Variants in POU1F1 observed in about 807,000 individuals in gnomAD.
POU1F1 encodes POU class 1 homeobox 1, also known as pituitary-specific positive transcription factor 1.
In POU1F1, 23 loss-of-function variants were observed where a neutral mutation model predicts 32.3. The observed-to-expected ratio is 0.71, with a 90% CI of 0.51 to 1.01. The LOEUF (loss-of-function observed/expected upper bound fraction) is 1.01, where lower values mean the gene tolerates loss of function less well. Ranked by LOEUF, POU1F1 falls within the 50% of genes least tolerant of loss-of-function variation. The pLI, the probability that POU1F1 is intolerant of heterozygous loss-of-function variation, is 0.00. For missense variants in POU1F1, 323 were observed against 341.6 expected, an observed-to-expected ratio of 0.95 and a Z score of 0.43; for synonymous variants, 120 against 115.6, an observed-to-expected ratio of 1.04 and a Z score of -0.25.
At chr3:87,262,339 AT>A in intron 3 of POU1F1, 104 bp from the exon 4 acceptor site, 2 of 1,250,504 alleles carry the variant, frequency 1.6e-6, no homozygotes, top group Non-Finnish European at 2.3e-6. Context: ...ATTACACACT[AT>A]TTTTTAACTA....
At chr3:87,261,369 A>G in intron 4 of POU1F1, 36 bp from the exon 5 acceptor site, 1 of 1,466,050 alleles carries the variant, frequency 6.8e-7, no homozygotes, top group Non-Finnish European at 9.4e-7. Context: ...TACAAACACA[A>G]AGTAGACTTT....
At chr3:87,262,348 C>T (rs1706529872) in intron 3 of POU1F1, 113 bp from the exon 4 acceptor site, 1 of 1,180,044 alleles carries the variant, frequency 8.5e-7, no homozygotes. Context: ...TATTTTTTAA[C>T]TATATATTCT....
At chr3:87,264,849 G>C (rs1706587260) in intron 2 of POU1F1, among the ~76,000 whole-genome samples, 1 of 152,046 alleles carries the variant, frequency 6.6e-6, no homozygotes, top group African/African-American at 2.4e-5. Flanking sequence ...CTATTCCTGG[G>C]AATCTGAGGT....
Position 87,268,084 on chromosome 3 carries a change from C to CCTTT in POU1F1, c.215-3573_215-3572insAAAG, listed in dbSNP as rs747971339. Among the ~76,000 whole-genome samples the CCTTT allele has an allele frequency of 3.4e-5, 4 of 116,466 alleles. 1 individual carries two copies. The highest frequency in any genetic ancestry group is 1.7e-5 in the Non-Finnish European group (1 of 57,458). 76.4% of individuals were successfully genotyped at this position (116,466 alleles called of 152,430 possible). A position where few individuals can be genotyped will look rare whatever the true frequency, so the allele number is the denominator to read the frequency against. ...ACATTTTTTATTTTTTTCCCTTTCCCTTTTTTTTTTTTTTTTTTTTTGACA... is the reference window on the plus strand; with the variant it reads ...ACATTTTTTATTTTTTTCCCTTTCCCCTTTTTTTTTTTTTTTTTTTTTTTTGACA... On this transcript the variant is annotated intron_variant, in intron 2 of 5. Transcript: ENST00000350375.
In POU1F1 at chr3:87,264,271, C is replaced by T. The variant is rs755739807; in HGVS notation, c.439+17G>A. On this transcript the variant is annotated intron_variant, in intron 3 of 5. Transcript: ENST00000350375. Reference sequence around the variant, plus strand: ...CAAACCAAGTTCTTTTTCCTGTTGCCTTTAACAAGCACATACCTAATTTAA... The same window carrying T: ...CAAACCAAGTTCTTTTTCCTGTTGCTTTTAACAAGCACATACCTAATTTAA... The T allele has an allele frequency of 1.9e-6, 3 of 1,590,708 alleles. No individual in the cohort carries two copies. In the South Asian group the frequency reaches 3.3e-5, roughly 18 times the overall value.
At chr3:87,272,855 G>T (rs942539630) in intron 2 of POU1F1, among the ~76,000 whole-genome samples, 2 of 152,118 alleles carry the variant, frequency 1.3e-5, no homozygotes, top group Admixed American at 6.6e-5. Flanking sequence ...TAATGATGAG[G>T]GGGGGTGTTC....
intron 4 of POU1F1, 92 bp downstream of exon 4, chr3:87,261,979 T>C (rs1559614611): frequency 6.6e-7 from 1 of 1,507,670 alleles, no homozygotes; most frequent in Non-Finnish European, 9.2e-7. Context: ...AAAAAACCCC[T>C]CAAACCTCCT....
At chr3:87,273,456 C>G (rs1019517553) in intron 1 of POU1F1, 38 bp from the exon 2 acceptor site, 1 of 1,610,752 alleles carries the variant, frequency 6.2e-7, no homozygotes, top group Non-Finnish European at 8.5e-7. Context: ...AATGTGTGCA[C>G]AAACATTTAG....
At chr3:87,266,339 ATAATTATAAATGTG>A (rs1168434102) in intron 2 of POU1F1, among the ~76,000 whole-genome samples, 1 of 147,050 alleles carries the variant, frequency 6.8e-6, no homozygotes, top group Non-Finnish European at 1.5e-5. Flanking sequence ...TTATAAATAT[ATAATTATAAATGTG>A]TAATTATAAA....
chr3:87,260,862 ATTATTTTTTTTTTAT>A (rs1241010073), intron 5 of POU1F1, among the ~76,000 whole-genome samples: 3 of 142,264 alleles, frequency 2.1e-5, no homozygotes, highest in African/African-American at 7.8e-5. Context: ...TTACATTATT[ATTATTTTTTTTTTAT>A]TTATTTATTT....
intron 2 of POU1F1, among the ~76,000 whole-genome samples, chr3:87,267,314 TAGAA>T (rs1344634213): frequency 6.6e-6 from 1 of 152,126 alleles, no homozygotes; most frequent in Non-Finnish European, 1.5e-5. Flanking sequence ...GAAATTTAAG[TAGAA>T]AGAAAGTAAA....
intron 2 of POU1F1, among the ~76,000 whole-genome samples, chr3:87,267,226 C>A (rs1014774996): frequency 6.6e-6 from 1 of 152,086 alleles, no homozygotes; most frequent in African/African-American, 2.4e-5. Flanking sequence ...GTTAATTTCA[C>A]ATTTGTTATC....
At chr3:87,260,865 ATTTTTTTT>A (rs199555032) in intron 5 of POU1F1, among the ~76,000 whole-genome samples, 45 of 45,392 alleles carry the variant, frequency 9.9e-4, no homozygotes, top group East Asian at 7.5e-3. Context: ...CATTATTATT[ATTTTTTTT>A]TTATTTATTT....
At chr3:87,273,524 GACA>G in intron 1 of POU1F1, 106 bp from the exon 2 acceptor site, 1 of 1,537,188 alleles carries the variant, frequency 6.5e-7, no homozygotes, top group Non-Finnish European at 8.8e-7. Context: ...AAGGATTCAA[GACA>G]CATTCGTTTT....
At chr3:87,265,857 G>C (rs1479290634) in intron 2 of POU1F1, among the ~76,000 whole-genome samples, 1 of 151,686 alleles carries the variant, frequency 6.6e-6, no homozygotes, top group Non-Finnish European at 1.5e-5. Flanking sequence ...ATCCTTGGGG[G>C]TCCTGGAACC....
chr3:87,268,224 G>A (rs890750679), intron 2 of POU1F1, among the ~76,000 whole-genome samples: 4 of 150,172 alleles, frequency 2.7e-5, no homozygotes, highest in Non-Finnish European at 4.4e-5. Flanking sequence ...GACTACAGGT[G>A]CCTGCCACCA....
chr3:87,268,366 T>G (rs1423408236), intron 2 of POU1F1, among the ~76,000 whole-genome samples: 1 of 152,056 alleles, frequency 6.6e-6, no homozygotes, highest in African/African-American at 2.4e-5. Flanking sequence ...CTCGGCCTCC[T>G]AAAGTGCTGG....
intron 3 of POU1F1, 143 bp downstream of exon 3, chr3:87,264,145 A>C (rs1706567469): frequency 4.4e-6 from 3 of 679,184 alleles, no homozygotes; most frequent in Non-Finnish European, 5.0e-6. Context: ...TTTTTGGAGG[A>C]TTTCCATAAC....
chr3:87,268,084 C>CCTTTTTTTTTTTT (rs747971339), intron 2 of POU1F1, among the ~76,000 whole-genome samples: 1 of 116,468 alleles, frequency 8.6e-6, no homozygotes, highest in Non-Finnish European at 1.7e-5. Flanking sequence ...TTCCCTTTCC[C>CCTTTTTTTTTTTT]TTTTTTTTTT....
Sources: allele counts gnomAD v4.1 joint callset (sites outside exome capture counted in the v4.1 genomes callset), GRCh38; gene constraint gnomAD v4.1.1; transcripts MANE v1.5; gene names NCBI Gene and HGNC (gene_info 2026-07-23, HGNC 2026-07-21).